PRKCB: variants seen among roughly 807,000 people sequenced by gnomAD.
PRKCB encodes protein kinase C beta.
A neutral mutation model predicts 81.5 loss-of-function variants in PRKCB; 13 were observed. That is an observed-to-expected ratio of 0.16 (90% CI 0.10 to 0.25). PRKCB has a LOEUF of 0.25. PRKCB is among the 10% of genes least tolerant of loss of function. The probability of loss-of-function intolerance (pLI) is 1.00; values close to 1 mark genes in which losing one functional copy is unlikely to be tolerated. For missense variants in PRKCB, 509 were observed against 875.7 expected, an observed-to-expected ratio of 0.58 and a Z score of 5.29; for synonymous variants, 335 against 321.4, an observed-to-expected ratio of 1.04 and a Z score of -0.45.
intron 2 of PRKCB, among the ~76,000 whole-genome samples, chr16:23,884,049 T>A (rs560186963): frequency 7.4e-4 from 112 of 152,352 alleles, no homozygotes; most frequent in African/African-American, 2.6e-3. Context: ...TCTTCAACAT[T>A]TGATATGTAT....
chr16:24,140,406 C>T (rs541357249), intron 9 of PRKCB, among the ~76,000 whole-genome samples: 29 of 152,176 alleles, frequency 1.9e-4, no homozygotes, highest in African/African-American at 6.0e-4. Context: ...CAGATAGAGC[C>T]GATTTCTCAA....
chr16:23,987,938 A>G (rs1213050608), intron 2 of PRKCB, among the ~76,000 whole-genome samples: 2 of 152,162 alleles, frequency 1.3e-5, no homozygotes, highest in African/African-American at 4.8e-5. Flanking sequence ...GTATATATGT[A>G]TTTGCTTGCA....
intron 2 of PRKCB, among the ~76,000 whole-genome samples, chr16:23,888,557 G>T (rs1963240121): frequency 6.6e-6 from 1 of 152,184 alleles, no homozygotes; most frequent in Admixed American, 6.5e-5. Context: ...TTAAGTGTGT[G>T]CTGGTGCCAG....
chr16:24,169,327 C>T (rs1357291067), intron 10 of PRKCB, among the ~76,000 whole-genome samples: 1 of 152,146 alleles, frequency 6.6e-6, no homozygotes, highest in Non-Finnish European at 1.5e-5. Context: ...CAGCGGTAAA[C>T]AAATTTTACA....
intron 5 of PRKCB, among the ~76,000 whole-genome samples, chr16:24,066,048 A>G (rs1412354965): frequency 8.3e-6 from 1 of 121,084 alleles, no homozygotes; most frequent in Non-Finnish European, 1.8e-5. Context: ...TCTCTCTTTG[A>G]TTTTCAGCAA....
intron 10 of PRKCB, among the ~76,000 whole-genome samples, chr16:24,163,347 G>A (rs1012093423): frequency 6.6e-6 from 1 of 152,178 alleles, no homozygotes; most frequent in Admixed American, 6.5e-5. Flanking sequence ...TGAGAGCTTG[G>A]CAGGTGTTAG....
intron 2 of PRKCB, among the ~76,000 whole-genome samples, chr16:23,970,838 G>A (rs1964546002): frequency 6.6e-6 from 1 of 152,206 alleles, no homozygotes; most frequent in Non-Finnish European, 1.5e-5. Flanking sequence ...TGACTGAGGT[G>A]CAGAGTGGCT....
At chr16:23,886,196 G>A (rs1963196060) in intron 2 of PRKCB, among the ~76,000 whole-genome samples, 1 of 152,118 alleles carries the variant, frequency 6.6e-6, no homozygotes, top group Admixed American at 6.5e-5. Context: ...GTTGGCATTA[G>A]TCTGGCTGTG....
intron 2 of PRKCB, among the ~76,000 whole-genome samples, chr16:23,978,742 T>A (rs891678701): frequency 2.0e-5 from 3 of 152,236 alleles, no homozygotes; most frequent in African/African-American, 7.2e-5. Context: ...AGGCTACTGC[T>A]GTCCAATAAG....
At chr16:23,983,068 G>T (rs975244276) in intron 2 of PRKCB, among the ~76,000 whole-genome samples, 5 of 151,432 alleles carry the variant, frequency 3.3e-5, no homozygotes, top group Admixed American at 1.3e-4. Flanking sequence ...TGAAAGTAGG[G>T]TCTAGTACAT....
chr16:24,174,844 G>T, intron 12 of PRKCB: 1 of 396,834 alleles, frequency 2.5e-6, no homozygotes, highest in Non-Finnish European at 4.5e-6. Context: ...TGCTCTAAGA[G>T]GAGACTCACA....
At chr16:24,051,897 G>T (rs999458826) in intron 5 of PRKCB, among the ~76,000 whole-genome samples, 3 of 151,942 alleles carry the variant, frequency 2.0e-5, no homozygotes, top group Non-Finnish European at 4.4e-5. Context: ...GAATCACCAG[G>T]TCAGGAAAGG....
At chr16:24,104,885 A>C (rs764874958) in intron 7 of PRKCB, among the ~76,000 whole-genome samples, 13 of 152,090 alleles carry the variant, frequency 8.5e-5, no homozygotes, top group Non-Finnish European at 1.9e-4. Context: ...TTTGTCTTCT[A>C]CTCTGAAGAA....
At chr16:24,031,929 C>A in intron 3 of PRKCB, 2 of 455,470 alleles carry the variant, frequency 4.4e-6, no homozygotes, top group Non-Finnish European at 7.9e-6. Flanking sequence ...AGGGAACAAT[C>A]ATCTGTCTTT....
intron 3 of PRKCB, among the ~76,000 whole-genome samples, chr16:24,011,452 C>T (rs538163406): frequency 6.6e-6 from 1 of 152,178 alleles, no homozygotes; most frequent in Non-Finnish European, 1.5e-5. Context: ...ACTAGCCTGC[C>T]TGGGCTCCAA....
At chr16:23,936,277 C>A (rs562886677) in intron 2 of PRKCB, among the ~76,000 whole-genome samples, 13 of 151,982 alleles carry the variant, frequency 8.6e-5, no homozygotes, top group African/African-American at 3.1e-4. Flanking sequence ...TGTTGAGCAT[C>A]CTCAGTGACT....
At chr16:24,111,711 T>C (rs1036516201) in intron 7 of PRKCB, among the ~76,000 whole-genome samples, 4 of 151,746 alleles carry the variant, frequency 2.6e-5, no homozygotes, top group Non-Finnish European at 4.4e-5. Flanking sequence ...GGCCGGAGGA[T>C]TGTTTGAGCC....
intron 7 of PRKCB, among the ~76,000 whole-genome samples, chr16:24,094,853 A>G (rs9933887): frequency 0.03 from 4,177 of 139,664 alleles, 149 homozygotes; most frequent in African/African-American, 0.074. Context: ...GGAAGGAAGG[A>G]AAGGAAGAAA....
chr16:24,174,678 T>A, intron 12 of PRKCB, 98 bp downstream of exon 12: 1 of 869,112 alleles, frequency 1.2e-6, no homozygotes. Context: ...GAATCCGCGG[T>A]GGGGGAGGAA....
Sources: gnomAD v4.1 joint callset for allele counts (sites outside exome capture counted in the v4.1 genomes callset) on GRCh38, gnomAD v4.1.1 for gene constraint, MANE v1.5 for transcripts, NCBI Gene and HGNC (gene_info 2026-07-23, HGNC 2026-07-21) for gene names.